The following LRRC1 variants were observed in gnomAD, a reference collection of about 807,000 sequenced individuals.
LRRC1 encodes the protein leucine rich repeat containing 1.
LRRC1 carries 28 observed loss-of-function variants against 69.9 expected under a neutral mutation model. The ratio of observed to expected loss-of-function variants is 0.40; its 90% CI spans 0.30 to 0.55. The LOEUF (loss-of-function observed/expected upper bound fraction) is 0.55. Among genes scored for constraint, LRRC1 ranks in the 20% least tolerant of loss-of-function variants. The pLI, the probability that LRRC1 is intolerant of heterozygous loss-of-function variation, is 0.47. For missense variants in LRRC1, 498 were observed against 609.0 expected, an observed-to-expected ratio of 0.82 and a Z score of 1.92; for synonymous variants, 236 against 240.2, an observed-to-expected ratio of 0.98 and a Z score of 0.16.
intron 8 of LRRC1, among the ~76,000 whole-genome samples, 170 bp from the exon 9 acceptor site, chr6:53,902,459 C>G (rs1355344209): frequency 6.6e-6 from 1 of 152,090 alleles, no homozygotes; most frequent in Non-Finnish European, 1.5e-5. Flanking sequence ...TTTTAACTCC[C>G]AACCTTCAGT....
At chr6:53,891,009 A>T (rs529774423) in intron 4 of LRRC1, among the ~76,000 whole-genome samples, 13 of 152,346 alleles carry the variant, frequency 8.5e-5, no homozygotes, top group African/African-American at 2.9e-4. Flanking sequence ...AAATTCCTTA[A>T]AGTAACCATT....
intron 2 of LRRC1, among the ~76,000 whole-genome samples, chr6:53,844,346 A>G (rs1273063555): frequency 6.6e-6 from 1 of 152,222 alleles, no homozygotes; most frequent in Non-Finnish European, 1.5e-5. Flanking sequence ...AATACTTAAG[A>G]AAGACGAAAA....
intron 10 of LRRC1, among the ~76,000 whole-genome samples, chr6:53,909,476 A>G (rs1768342174): frequency 6.6e-6 from 1 of 152,204 alleles, no homozygotes; most frequent in South Asian, 2.1e-4. Context: ...GTGGTACTGG[A>G]AGATTGTACC....
intron 1 of LRRC1, among the ~76,000 whole-genome samples, chr6:53,818,349 A>G (rs1765012308): frequency 6.6e-6 from 1 of 152,188 alleles, no homozygotes; most frequent in African/African-American, 2.4e-5. Flanking sequence ...GTGTATCAAG[A>G]TAGAAATGGA....
At chr6:53,879,699 T>TC (rs2127430323) in intron 3 of LRRC1, among the ~76,000 whole-genome samples, 1 of 151,792 alleles carries the variant, frequency 6.6e-6, no homozygotes, top group African/African-American at 2.4e-5. Flanking sequence ...TGTGAGGATT[T>TC]CTTTTTTTTT....
At chr6:53,888,011 A>G (rs1237599203) in intron 4 of LRRC1, among the ~76,000 whole-genome samples, 4 of 152,224 alleles carry the variant, frequency 2.6e-5, no homozygotes, top group Admixed American at 6.5e-5. Context: ...AAAAACACTT[A>G]GAAGATTCCA....
chr6:53,881,113 TTAAAG>T (rs767649172), intron 3 of LRRC1, among the ~76,000 whole-genome samples: 100 of 152,364 alleles, frequency 6.6e-4, no homozygotes, highest in Non-Finnish European at 1.1e-3. Context: ...GGCAGGTTTC[TTAAAG>T]TAAAGCCATT....
At chr6:53,869,112 T>A (rs1452169443) in intron 2 of LRRC1, among the ~76,000 whole-genome samples, 1 of 152,238 alleles carries the variant, frequency 6.6e-6, no homozygotes, top group African/African-American at 2.4e-5. Context: ...CTCTTATGGC[T>A]GTTCGGATTT....
intron 2 of LRRC1, among the ~76,000 whole-genome samples, chr6:53,868,259 T>C (rs1766773135): frequency 6.6e-6 from 1 of 151,202 alleles, no homozygotes; most frequent in Non-Finnish European, 1.5e-5. Flanking sequence ...TTTCACTCTG[T>C]GCCTTAGGCT....
chr6:53,890,686 G>A (rs986033200), intron 4 of LRRC1, among the ~76,000 whole-genome samples: 1 of 152,036 alleles, frequency 6.6e-6, no homozygotes, highest in Non-Finnish European at 1.5e-5. Flanking sequence ...GTTTTCTAGA[G>A]CAAAGCCACC....
At chr6:53,878,859 C>A in intron 2 of LRRC1, 134 bp from the exon 3 acceptor site, 1 of 542,802 alleles carries the variant, frequency 1.8e-6, no homozygotes, top group South Asian at 2.5e-5. Flanking sequence ...TATTAAAATA[C>A]TTTATAAGTC....
chr6:53,921,877 C>T (rs1768752975), intron 13 of LRRC1, among the ~76,000 whole-genome samples: 1 of 152,158 alleles, frequency 6.6e-6, no homozygotes, highest in African/African-American at 2.4e-5. Flanking sequence ...TAATGCTTAC[C>T]TCAAGACTTC....
chr6:53,882,176 G>A (rs535900758), intron 3 of LRRC1, among the ~76,000 whole-genome samples: 36 of 152,110 alleles, frequency 2.4e-4, no homozygotes, highest in African/African-American at 3.1e-4. Context: ...GTGAAACCCC[G>A]TCTCTACTTA....
chr6:53,820,699 G>A (rs1765090851), intron 1 of LRRC1, among the ~76,000 whole-genome samples: 1 of 151,870 alleles, frequency 6.6e-6, no homozygotes, highest in South Asian at 2.1e-4. Context: ...TGTATTTAAG[G>A]ACATGGGAAA....
chr6:53,802,832 A>G (rs189698986), intron 1 of LRRC1, among the ~76,000 whole-genome samples: 1 of 152,330 alleles, frequency 6.6e-6, no homozygotes, highest in African/African-American at 2.4e-5. Flanking sequence ...GAGAATATTT[A>G]TTATTCTAGA....
At chr6:53,875,095 G>C (rs1255605503) in intron 2 of LRRC1, among the ~76,000 whole-genome samples, 1 of 152,176 alleles carries the variant, frequency 6.6e-6, no homozygotes, top group African/African-American at 2.4e-5. Flanking sequence ...AAGTATAAGT[G>C]GGCATAAGTT....
Position 53,900,028 on chromosome 6 carries a change from T to TTTTG in LRRC1, c.787+140_787+141insGTTT, listed in dbSNP as rs1768002241. 22 of 200,666 alleles carry TTTTG rather than the reference T, an allele frequency of 1.1e-4. 1 individual carries two copies. In the African/African-American group the frequency reaches 2.7e-3, roughly 25 times the overall value. 12.4% of individuals were successfully genotyped at this position (200,666 alleles called of 1,614,324 possible). On this transcript the variant is annotated intron_variant, in intron 8 of 13. Coordinates refer to ENST00000370888, the MANE Select transcript of LRRC1 (RefSeq NM_018214.5). ...CTTAAAGTCTCCTTACTGTTTTTTT[T>TTTTG]TTTTTTTTTTTTTTTTTTTTTTTTT...
At chr6:53,814,568 C>G (rs763819730) in intron 1 of LRRC1, among the ~76,000 whole-genome samples, 1 of 152,216 alleles carries the variant, frequency 6.6e-6, no homozygotes, top group Non-Finnish European at 1.5e-5. Context: ...AGCAGTGAGT[C>G]CCCAAGGTTG....
At chr6:53,835,394 C>A (rs183982978) in intron 1 of LRRC1, among the ~76,000 whole-genome samples, 1 of 152,218 alleles carries the variant, frequency 6.6e-6, no homozygotes, top group East Asian at 1.9e-4. Flanking sequence ...CTACAAAGAG[C>A]CCTTTATCAT....
Sources: allele counts gnomAD v4.1 joint callset (sites outside exome capture counted in the v4.1 genomes callset), GRCh38; gene constraint gnomAD v4.1.1; transcripts MANE v1.5; gene names NCBI Gene and HGNC (gene_info 2026-07-23, HGNC 2026-07-21).